Variants in PRKN observed in about 807,000 individuals in gnomAD.
PRKN encodes the protein parkin RBR E3 ubiquitin protein ligase, also known as E3 ubiquitin-protein ligase parkin.
In PRKN, 56 loss-of-function variants were observed where a neutral mutation model predicts 59.5. That is an observed-to-expected ratio of 0.94 (90% CI 0.76 to 1.18). The LOEUF (loss-of-function observed/expected upper bound fraction) is 1.18. Ranked by LOEUF, PRKN falls within the 50% of genes most tolerant of loss-of-function variation. The pLI, the probability that PRKN is intolerant of heterozygous loss-of-function variation, is 0.00. For missense variants in PRKN, 657 were observed against 596.4 expected (o/e 1.10, Z -1.06); for synonymous variants, 250 against 222.1 (o/e 1.13, Z -1.12).
rs1486655264 is a variant in PRKN at position 161,447,881 on chromosome 6, T to A, written c.1084-61004A>T. Among the ~76,000 whole-genome samples, 1 of 152,182 alleles carries A rather than the reference T, an allele frequency of 6.6e-6. No homozygotes were observed. The highest frequency in any genetic ancestry group is 6.5e-5 in the Admixed American group (1 of 15,272). Reference sequence around the variant, plus strand: ...CAAATTTCACAGGCCTAGAGGAAAGTTAAGCCCTGGAAATGGAGTTGTGAG... The same window carrying A: ...CAAATTTCACAGGCCTAGAGGAAAGATAAGCCCTGGAAATGGAGTTGTGAG... On this transcript the variant is annotated intron_variant, in intron 9 of 11. Transcript: ENST00000366898. The surrounding 1 kb of genome is among the most constrained non-coding windows in gnomAD (Gnocchi z 4.1).
chr6:162,267,907 T>C lies in PRKN; in HGVS notation c.172-5142A>G, dbSNP rs144425561. Reference sequence around the variant, plus strand: ...TTTCTTTTTCCAAAAAGAAGTTCCTTCAACGGCACATAGTTAAGATCCAAA... The same window carrying C: ...TTTCTTTTTCCAAAAAGAAGTTCCTCCAACGGCACATAGTTAAGATCCAAA... On this transcript the variant is annotated intron_variant, in intron 2 of 11. Transcript: ENST00000366898. Among the ~76,000 whole-genome samples the C allele has an allele frequency of 5.2e-3, 795 of 152,258 alleles. 5 individuals are homozygous for C. Among genetic ancestry groups the C allele is most frequent in the African/African-American group, 0.018 (761 of 41,564 alleles).
intron 3 of PRKN, among the ~76,000 whole-genome samples, chr6:162,218,593 C>T (rs373530857): frequency 3.3e-5 from 5 of 152,220 alleles, no homozygotes; most frequent in South Asian, 4.1e-4. Flanking sequence ...AAATTGCATG[C>T]ATAGCAAAAT....
Position 161,423,666 on chromosome 6 carries a change from C to T in PRKN, c.1084-36789G>A, listed in dbSNP as rs1014816748. On this transcript the variant is annotated intron_variant, in intron 9 of 11. Coordinates refer to ENST00000366898, the MANE Select transcript of PRKN (RefSeq NM_004562.3). The surrounding 1 kb of genome is among the most constrained non-coding windows in gnomAD (Gnocchi z 5.9). ...TCTTTCTGGAAGCTTCCTCTGCACACTCTAGCTACAGCAGGGCCTTACCAT... is the reference window on the plus strand; with the variant it reads ...TCTTTCTGGAAGCTTCCTCTGCACATTCTAGCTACAGCAGGGCCTTACCAT... Among the ~76,000 whole-genome samples the T allele has an allele frequency of 4.6e-5, 7 of 152,320 alleles. No individual in the cohort carries two copies. The highest frequency in any genetic ancestry group is 1.4e-4 in the African/African-American group (6 of 41,560).
At chr6:162,192,205 A>G (rs1161380038) in intron 4 of PRKN, among the ~76,000 whole-genome samples, 1 of 152,108 alleles carries the variant, frequency 6.6e-6, no homozygotes, top group Non-Finnish European at 1.5e-5. Flanking sequence ...TCACTTAACC[A>G]ATTTCCAATT....
At position 161,359,205 on chromosome 6, in the gene PRKN, A is replaced by C. The variant is rs1487436887; in HGVS notation, c.1285+883T>G. ...TAAATTATTTATTTTCTCTGCAGGA[A>C]GCCACTGATACAGCACTAAGGACTT... On this transcript the variant is annotated intron_variant, in intron 11 of 11. Coordinates refer to ENST00000366898, the MANE Select transcript of PRKN (RefSeq NM_004562.3). The surrounding 1 kb of genome is among the most constrained non-coding windows in gnomAD (Gnocchi z 5.4). 6.6e-6 allele frequency among the ~76,000 whole-genome samples: 1 copy of C among 152,228 alleles called. No homozygotes were observed. Among genetic ancestry groups the C allele is most frequent in the Non-Finnish European group, 1.5e-5 (1 of 68,042 alleles).
At chr6:162,636,780 T>C (rs1341194296) in intron 1 of PRKN, among the ~76,000 whole-genome samples, 1 of 147,052 alleles carries the variant, frequency 6.8e-6, no homozygotes, top group Admixed American at 6.8e-5. Flanking sequence ...AGTCCAGGAG[T>C]TCAAGACCAG....
intron 9 of PRKN, among the ~76,000 whole-genome samples, chr6:161,408,339 C>G (rs1787372967): frequency 6.7e-6 from 1 of 149,482 alleles, no homozygotes; most frequent in African/African-American, 2.5e-5. Context: ...AAAAAAAAGC[C>G]CATCAGCATA....
intron 7 of PRKN, among the ~76,000 whole-genome samples, chr6:161,641,884 G>A (rs1364838920): frequency 6.6e-6 from 1 of 152,174 alleles, no homozygotes; most frequent in African/African-American, 2.4e-5. Flanking sequence ...TTAAAAGGCA[G>A]GCCACCTACC....
intron 6 of PRKN, among the ~76,000 whole-genome samples, chr6:161,945,080 T>A (rs1779728743): frequency 6.6e-6 from 1 of 150,576 alleles, no homozygotes; most frequent in East Asian, 2.0e-4. Flanking sequence ...AATATCAAGA[T>A]TGACTTTAAA....
chr6:162,026,712 A>G (rs893717930), intron 5 of PRKN, among the ~76,000 whole-genome samples: 1 of 152,184 alleles, frequency 6.6e-6, no homozygotes, highest in African/African-American at 2.4e-5. Context: ...GTTAAATAGT[A>G]ATGGCTTGAA....
At chr6:162,319,036 T>C (rs1214546535) in intron 2 of PRKN, among the ~76,000 whole-genome samples, 8 of 152,058 alleles carry the variant, frequency 5.3e-5, no homozygotes, top group Admixed American at 5.2e-4. Flanking sequence ...GTGTGTTTCA[T>C]AAGTAAGCTT....
intron 7 of PRKN, among the ~76,000 whole-genome samples, chr6:161,570,594 T>A (rs1245644068): frequency 6.6e-6 from 1 of 152,082 alleles, no homozygotes; most frequent in Middle Eastern, 3.4e-3. Context: ...GTTAATACAT[T>A]TTCTCTTCCT....
At chr6:162,323,376 C>A (rs1220242185) in intron 2 of PRKN, among the ~76,000 whole-genome samples, 1 of 151,262 alleles carries the variant, frequency 6.6e-6, no homozygotes, top group Admixed American at 6.6e-5. Context: ...ATACAAAAAT[C>A]TATAAAAATC....
intron 6 of PRKN, among the ~76,000 whole-genome samples, chr6:161,851,222 TTC>T (rs1324492599): frequency 6.6e-6 from 1 of 151,542 alleles, no homozygotes; most frequent in Non-Finnish European, 1.5e-5. Flanking sequence ...CTCTTTCTCT[TTC>T]TCTCTCTCTC....
At chr6:162,322,145 G>T (rs1396904300) in intron 2 of PRKN, among the ~76,000 whole-genome samples, 2 of 151,714 alleles carry the variant, frequency 1.3e-5, no homozygotes, top group African/African-American at 2.4e-5. Flanking sequence ...CAATTATCTC[G>T]GTTATAAAGT....
At chr6:161,746,692 G>A (rs1583095142) in intron 7 of PRKN, among the ~76,000 whole-genome samples, 2 of 140,938 alleles carry the variant, frequency 1.4e-5, no homozygotes, top group South Asian at 2.2e-4. Context: ...ATCTATATAG[G>A]TATATGTATA....
chr6:162,712,075 C>CT (rs1778558629), intron 1 of PRKN, among the ~76,000 whole-genome samples: 1 of 152,144 alleles, frequency 6.6e-6, no homozygotes, highest in African/African-American at 2.4e-5. Flanking sequence ...GACAAGTTGA[C>CT]TAGTTTGGTT....
intron 1 of PRKN, among the ~76,000 whole-genome samples, chr6:162,677,466 GAAAAAAAAAAAA>G (rs10712151): frequency 1.1e-4 from 10 of 91,406 alleles, no homozygotes; most frequent in Admixed American, 4.8e-4. Flanking sequence ...GCACTGTGGA[GAAAAAAAAAAAA>G]AAAAAAAAAA....
At chr6:162,074,255 G>T (rs1778717759) in intron 4 of PRKN, among the ~76,000 whole-genome samples, 1 of 130,262 alleles carries the variant, frequency 7.7e-6, no homozygotes, top group African/African-American at 3.0e-5. Flanking sequence ...TGATAGACTG[G>T]ATGAAGAAAA....
Sources: gnomAD v4.1 joint callset for allele counts (sites outside exome capture counted in the v4.1 genomes callset) on GRCh38, gnomAD v4.1.1 for gene constraint, Gnocchi (gnomAD v3.1) non-coding constraint, MANE v1.5 for transcripts, NCBI Gene and HGNC (gene_info 2026-07-23, HGNC 2026-07-21) for gene names.